The following MAGI2 variants were observed in gnomAD, a reference collection of about 807,000 sequenced individuals.
MAGI2 encodes the protein membrane-associated guanylate kinase, WW and PDZ domain-containing protein 2.
A neutral mutation model predicts 133.3 loss-of-function variants in MAGI2; 35 were observed. The observed-to-expected ratio is 0.26, with a 90% CI of 0.20 to 0.35. MAGI2 has a LOEUF of 0.35. Among genes scored for constraint, MAGI2 ranks in the 10% least tolerant of loss-of-function variants. MAGI2 has a pLI of 1.00. For missense variants in MAGI2, 1,636 were observed against 1,863.4 expected (o/e 0.88, Z 2.25); for synonymous variants, 729 against 710.6 (o/e 1.03, Z -0.41).
At chr7:78,748,707 C>T (rs1255079692) in intron 2 of MAGI2, among the ~76,000 whole-genome samples, 4 of 151,944 alleles carry the variant, frequency 2.6e-5, no homozygotes, top group Admixed American at 1.3e-4. Context: ...AAAAAGATAT[C>T]GATAGGACAT....
In MAGI2 at chr7:79,452,813, C is replaced by T. The variant is rs1489580787; in HGVS notation, c.301+207G>A. ...GGGTCTAACTGAGCAAACAAAGTTG[C>T]ACGCCACACCACAACCTGCCCCTCC... is the stretch of plus-strand genomic sequence containing the variant. On this transcript the variant is annotated intron_variant, in intron 1 of 21. Transcript: ENST00000354212. The T allele has an allele frequency of 5.5e-5, 32 of 582,606 alleles. No homozygotes were observed. The East Asian group carries it at 9.3e-4, about 17-fold the overall frequency. The allele number at this position is 582,606 out of a possible 1,614,324, so 36.1% of individuals were successfully genotyped here. A position where few individuals can be genotyped will look rare whatever the true frequency, so the allele number is the denominator to read the frequency against.
intron 21 of MAGI2, among the ~76,000 whole-genome samples, chr7:78,070,416 G>A (rs62461174): frequency 0.49 from 70,944 of 145,440 alleles, 18,471 homozygotes; most frequent in East Asian, 0.69. Flanking sequence ...ATGTGTGTGT[G>A]TATATATATA....
At chr7:79,425,869 G>A (rs1262986408) in intron 1 of MAGI2, among the ~76,000 whole-genome samples, 1 of 152,036 alleles carries the variant, frequency 6.6e-6, no homozygotes, top group Admixed American at 6.6e-5. Flanking sequence ...GCACTATGAA[G>A]CATTGTGCAG....
intron 2 of MAGI2, among the ~76,000 whole-genome samples, chr7:78,687,106 G>A (rs1816404790): frequency 6.6e-6 from 1 of 152,176 alleles, no homozygotes; most frequent in South Asian, 2.1e-4. Context: ...CTTTGTAGGT[G>A]AGACTAGGGA....
chr7:78,883,986 A>G (rs1162232432), intron 2 of MAGI2, among the ~76,000 whole-genome samples: 1 of 152,218 alleles, frequency 6.6e-6, no homozygotes, highest in Non-Finnish European at 1.5e-5. Flanking sequence ...AATTGCAACA[A>G]AAACAAAAAT....
At chr7:79,177,037 A>C (rs570840898) in intron 1 of MAGI2, 1 of 152,120 alleles carries the variant, frequency 6.6e-6, no homozygotes, top group African/African-American at 2.4e-5. Context: ...CCGACCTGCT[A>C]GTCTTTGAAC....
At chr7:78,964,350 A>T (rs1019575058) in intron 2 of MAGI2, among the ~76,000 whole-genome samples, 28 of 151,936 alleles carry the variant, frequency 1.8e-4, no homozygotes, top group African/African-American at 5.8e-4. Context: ...AGCTTATATC[A>T]TTTTCACTTT....
intron 1 of MAGI2, among the ~76,000 whole-genome samples, chr7:79,369,133 T>C (rs1842909107): frequency 6.6e-6 from 1 of 152,198 alleles, no homozygotes. Flanking sequence ...CTGTAAAGTG[T>C]AGCTCCTACA....
chr7:78,999,819 A>G (rs1447461117), intron 2 of MAGI2, among the ~76,000 whole-genome samples: 1 of 152,220 alleles, frequency 6.6e-6, no homozygotes, highest in Non-Finnish European at 1.5e-5. Context: ...CACTGCTAAC[A>G]ACCATATTTA....
chr7:78,536,601 A>G (rs1187009119), intron 3 of MAGI2, among the ~76,000 whole-genome samples: 1 of 152,166 alleles, frequency 6.6e-6, no homozygotes, highest in Non-Finnish European at 1.5e-5. Flanking sequence ...AGGAACTAAT[A>G]TGAGCAGCTT....
chr7:78,722,467 C>G (rs1403512379), intron 2 of MAGI2, among the ~76,000 whole-genome samples: 1 of 152,002 alleles, frequency 6.6e-6, no homozygotes, highest in East Asian at 1.9e-4. Flanking sequence ...AGTCACCTTT[C>G]CATATTCAAA....
chr7:78,331,193 G>A (rs1416270573), intron 9 of MAGI2, among the ~76,000 whole-genome samples: 2 of 152,162 alleles, frequency 1.3e-5, no homozygotes, highest in Non-Finnish European at 1.5e-5. Context: ...GGAAATAACA[G>A]ACACTAGGGA....
intron 1 of MAGI2, among the ~76,000 whole-genome samples, chr7:79,163,104 CA>C (rs1562953822): frequency 6.6e-6 from 1 of 152,048 alleles, no homozygotes; most frequent in Non-Finnish European, 1.5e-5. Flanking sequence ...CCCAAAACAT[CA>C]GTATAGGGTA....
intron 21 of MAGI2, among the ~76,000 whole-genome samples, chr7:78,066,317 C>T (rs1344286946): frequency 6.6e-6 from 1 of 151,998 alleles, no homozygotes; most frequent in Non-Finnish European, 1.5e-5. Flanking sequence ...TAAAAATTAG[C>T]TGGGCAGGTT....
At chr7:78,848,316 C>T (rs909752687) in intron 2 of MAGI2, among the ~76,000 whole-genome samples, 2 of 151,920 alleles carry the variant, frequency 1.3e-5, no homozygotes, top group African/African-American at 4.8e-5. Flanking sequence ...TCACCCTCCA[C>T]ATCCAATACA....
chr7:78,557,097 A>AAAAGAAAG lies in MAGI2; in HGVS notation c.539-35453_539-35452insCTTTCTTT, dbSNP rs1554473310. ...CAGAGTCTCAAAAAAAAAAAAAAAA[A>AAAAGAAAG]AAAGAAAAAGAAAAAAAAAGAATTT... On this transcript the variant is annotated intron_variant, in intron 3 of 21. Coordinates refer to ENST00000354212, the MANE Select transcript of MAGI2 (RefSeq NM_012301.4). 9.4e-5 allele frequency among the ~76,000 whole-genome samples: 13 copies of AAAAGAAAG among 139,006 alleles called. 1 individual carries two copies. The highest frequency in any genetic ancestry group is 2.7e-4 in the African/African-American group (9 of 33,614). The allele number at this position is 139,006 out of a possible 152,430, so 91.2% of individuals were successfully genotyped here.
chr7:79,127,931 A>G (rs1820575677), intron 1 of MAGI2, among the ~76,000 whole-genome samples: 1 of 152,162 alleles, frequency 6.6e-6, no homozygotes, highest in South Asian at 2.1e-4. Context: ...TCATGGTTTT[A>G]GGTCTAACAT....
chr7:78,472,275 A>G (rs996326648), intron 6 of MAGI2, among the ~76,000 whole-genome samples: 1 of 152,158 alleles, frequency 6.6e-6, no homozygotes, highest in Non-Finnish European at 1.5e-5. Context: ...TTTAAAAAAT[A>G]GTCATTTCTT....
intron 16 of MAGI2, among the ~76,000 whole-genome samples, chr7:78,152,391 T>C (rs1823968788): frequency 6.6e-6 from 1 of 152,140 alleles, no homozygotes; most frequent in Admixed American, 6.5e-5. Flanking sequence ...ACAAGAGATG[T>C]GTTTAAGCTT....
Sources: allele counts gnomAD v4.1 joint callset (sites outside exome capture counted in the v4.1 genomes callset), GRCh38; gene constraint gnomAD v4.1.1; transcripts MANE v1.5; gene names NCBI Gene and HGNC (gene_info 2026-07-23, HGNC 2026-07-21).